The following SGCG variants were observed in gnomAD, a reference collection of about 807,000 sequenced individuals.
SGCG encodes gamma-sarcoglycan.
Under a neutral mutation model 29.3 loss-of-function variants are expected in SGCG, and 26 were observed. The ratio of observed to expected loss-of-function variants is 0.89; its 90% CI spans 0.65 to 1.23. The LOEUF (loss-of-function observed/expected upper bound fraction) is 1.23. SGCG is among the 50% of genes most tolerant of loss of function. SGCG has a pLI of 0.00. For missense variants in SGCG, 353 were observed against 356.0 expected (o/e 0.99, Z 0.07); for synonymous variants, 145 against 129.7 (o/e 1.12, Z -0.80).
intron 4 of SGCG, among the ~76,000 whole-genome samples, chr13:23,256,429 G>T (rs1293452629): frequency 6.6e-6 from 1 of 152,120 alleles, no homozygotes; most frequent in East Asian, 1.9e-4. Context: ...TGCAAAACAT[G>T]CAGGTTTGTT....
chr13:23,185,293 G>A (rs1876925531), intron 1 of SGCG, among the ~76,000 whole-genome samples: 1 of 152,080 alleles, frequency 6.6e-6, no homozygotes, highest in Non-Finnish European at 1.5e-5. Context: ...CTGGGTTCAA[G>A]CAGTTCTCCT....
upstream of SGCG, among the ~76,000 whole-genome samples, chr13:23,177,356 G>A (rs1470689533): frequency 2.0e-5 from 3 of 152,116 alleles, no homozygotes; most frequent in African/African-American, 7.2e-5. Context: ...TAGAAGAGGG[G>A]ATTTTGTGTG....
chr13:23,243,861 G>A (rs1309654313), intron 3 of SGCG: 2 of 152,242 alleles, frequency 1.3e-5, no homozygotes, highest in Non-Finnish European at 1.5e-5. Flanking sequence ...TTGATAAAGT[G>A]TTAACTCATT....
chr13:23,313,936 G>C (rs1238998578), intron 6 of SGCG, among the ~76,000 whole-genome samples: 3 of 152,110 alleles, frequency 2.0e-5, no homozygotes, highest in Non-Finnish European at 4.4e-5. Flanking sequence ...GGTGAGACTG[G>C]CCTAGCCTCC....
At chr13:23,258,400 A>G (rs1593202107) in intron 4 of SGCG, among the ~76,000 whole-genome samples, 2 of 152,196 alleles carry the variant, frequency 1.3e-5, no homozygotes, top group East Asian at 1.9e-4. Context: ...TTGATTTTGT[A>G]TCCTGAGACA....
intron 2 of SGCG, among the ~76,000 whole-genome samples, chr13:23,216,976 C>T (rs1411905006): frequency 1.3e-5 from 2 of 151,996 alleles, no homozygotes; most frequent in Non-Finnish European, 2.9e-5. Flanking sequence ...CCTGGGTAGT[C>T]ATAAATGACA....
At chr13:23,259,785 C>T (rs1880354183) in intron 4 of SGCG, among the ~76,000 whole-genome samples, 1 of 152,096 alleles carries the variant, frequency 6.6e-6, no homozygotes, top group South Asian at 2.1e-4. Context: ...TTATTTCTGC[C>T]TTCATTTCAT....
chr13:23,198,196 ATAT>A (rs1441790490), intron 1 of SGCG, among the ~76,000 whole-genome samples: 10 of 143,150 alleles, frequency 7.0e-5, no homozygotes, highest in African/African-American at 2.5e-4. Flanking sequence ...AAATCATATG[ATAT>A]TAACTCATTT....
At chr13:23,271,442 T>C (rs1566025055) in intron 4 of SGCG, among the ~76,000 whole-genome samples, 1 of 152,158 alleles carries the variant, frequency 6.6e-6, no homozygotes. Context: ...AATCTCATAA[T>C]GCTTAAAGAC....
rs1883004416 is a variant in SGCG, at chr13:23,320,695, G to T, written c.637G>T (p.Ala213Ser). The T allele has an allele frequency of 6.2e-7, 1 of 1,604,980 alleles. No homozygotes were observed. The highest frequency in any genetic ancestry group is 8.5e-7 in the Non-Finnish European group (1 of 1,175,352). The change falls in exon 7 of 8, where the codon GCT becomes TCT. Residue 213 changes from alanine to serine, a missense_variant. Physicochemically the swap from Ala to Ser is moderately conservative, Grantham distance 99 (BLOSUM62 1). Coordinates refer to ENST00000218867, the MANE Select transcript of SGCG (RefSeq NM_000231.3). ...TGCCCCAAGGGGTGTGCATATTCAAGCTCACGCTGGGAAAATTGAGGCGCT... is the reference window on the plus strand; with the variant it reads ...TGCCCCAAGGGGTGTGCATATTCAATCTCACGCTGGGAAAATTGAGGCGCT... ...MDAPRGVHIQ[A>S]HAGKIEALSQ...
intron 6 of SGCG, among the ~76,000 whole-genome samples, chr13:23,313,212 T>C (rs954480697): frequency 1.3e-5 from 2 of 151,538 alleles, no homozygotes; most frequent in African/African-American, 4.8e-5. Flanking sequence ...TCATCCAGGC[T>C]GGAGTGCAGT....
intron 5 of SGCG, among the ~76,000 whole-genome samples, chr13:23,281,211 G>A (rs1035466891): frequency 1.3e-5 from 2 of 151,884 alleles, no homozygotes; most frequent in Admixed American, 6.6e-5. Context: ...GTAGTGGTGC[G>A]TGCCTGTGGT....
intron 1 of SGCG, among the ~76,000 whole-genome samples, chr13:23,193,946 G>A (rs980388916): frequency 6.6e-6 from 1 of 152,034 alleles, no homozygotes; most frequent in Non-Finnish European, 1.5e-5. Flanking sequence ...AAGGTAGAGG[G>A]TAAAATTAGG....
rs147057294 is a variant in SGCG at position 23,208,477 on chromosome 13, A to C, written c.195+4588A>C. Among the ~76,000 whole-genome samples the C allele has an allele frequency of 3.3e-5, 5 of 152,284 alleles. No homozygotes were observed. In the East Asian group the frequency reaches 9.6e-4, roughly 29 times the overall value. ...CATAAGGACACCAAAGAATATTAAA[A>C]ATTTAAAAGAGAGAAGACTAGAGCA... On this transcript the variant is annotated intron_variant, in intron 2 of 7. Transcript: ENST00000218867.
At chr13:23,166,540 C>T in the SGCG span, among the ~76,000 whole-genome samples, 103 of 152,270 alleles carry the variant, frequency 6.8e-4, no homozygotes, top group East Asian at 1.2e-3. Flanking sequence ...GTCTGTCTCT[C>T]AAATTTGCCA....
At chr13:23,216,362 C>CA (rs1372069102) in intron 2 of SGCG, among the ~76,000 whole-genome samples, 1 of 151,442 alleles carries the variant, frequency 6.6e-6, no homozygotes, top group Non-Finnish European at 1.5e-5. Context: ...TTTTATGATT[C>CA]AAAAAAAGTG....
chr13:23,301,473 G>A (rs536006225), intron 6 of SGCG, among the ~76,000 whole-genome samples: 12 of 152,260 alleles, frequency 7.9e-5, no homozygotes, highest in Non-Finnish European at 1.5e-4. Flanking sequence ...GCTGGGCCAG[G>A]GAATGGTGAA....
chr13:23,239,014 C>A (rs892304082), intron 3 of SGCG, among the ~76,000 whole-genome samples: 1 of 151,960 alleles, frequency 6.6e-6, no homozygotes, highest in African/African-American at 2.4e-5. Flanking sequence ...TAACTGGCAT[C>A]TCCAAAGAAG....
intron 5 of SGCG, among the ~76,000 whole-genome samples, chr13:23,288,523 G>A (rs140457397): frequency 2.0e-5 from 3 of 152,246 alleles, no homozygotes; most frequent in Non-Finnish European, 4.4e-5. Context: ...TTAGATTTTA[G>A]TCAACTAGGA....
Sources: allele counts gnomAD v4.1 joint callset (sites outside exome capture counted in the v4.1 genomes callset), GRCh38; gene constraint gnomAD v4.1.1; transcripts MANE v1.5; gene names NCBI Gene and HGNC (gene_info 2026-07-23, HGNC 2026-07-21).